The following EVA1A variants were observed in gnomAD, a reference collection of about 807,000 sequenced individuals.
The protein encoded by EVA1A is protein eva-1 homolog A.
Under a neutral mutation model 9.8 loss-of-function variants are expected in EVA1A, and 7 were observed. That is an observed-to-expected ratio of 0.71 (90% CI 0.41 to 1.34). EVA1A has a LOEUF of 1.34. Among genes scored for constraint, EVA1A ranks in the 40% most tolerant of loss-of-function variants. The probability of loss-of-function intolerance (pLI) is 0.01; values close to 1 mark genes in which losing one functional copy is unlikely to be tolerated. For synonymous variants in EVA1A, 90 were observed against 85.6 expected (o/e 1.05, Z -0.28); for missense variants, 206 against 205.9 (o/e 1.00, Z 0.00).
At chr2:75,530,321 A>G (rs1205495293) in intron 1 of EVA1A, among the ~76,000 whole-genome samples, 1 of 152,214 alleles carries the variant, frequency 6.6e-6, no homozygotes, top group African/African-American at 2.4e-5. Flanking sequence ...TCTATCAGGC[A>G]TTCAAAGAAG....
upstream of EVA1A, among the ~76,000 whole-genome samples, chr2:75,564,247 G>A (rs1297771056): frequency 6.6e-6 from 1 of 152,216 alleles, no homozygotes; most frequent in South Asian, 2.1e-4. Context: ...AAGGGCAGAG[G>A]AGTAGGGAGT....
intron 1 of EVA1A, among the ~76,000 whole-genome samples, chr2:75,522,834 G>T (rs1383607674): frequency 6.6e-6 from 1 of 152,220 alleles, no homozygotes; most frequent in Non-Finnish European, 1.5e-5. Context: ...AAGTTTGCAG[G>T]CCAGCCTCTC....
chr2:75,521,767 G>A (rs1449947037), intron 2 of EVA1A, among the ~76,000 whole-genome samples: 1 of 152,166 alleles, frequency 6.6e-6, no homozygotes, highest in Non-Finnish European at 1.5e-5. Context: ...GCACAATAAT[G>A]TAAATATACT....
At chr2:75,498,259 T>C (rs1674282974) in intron 3 of EVA1A, among the ~76,000 whole-genome samples, 2 of 144,640 alleles carry the variant, frequency 1.4e-5, no homozygotes, top group African/African-American at 5.2e-5. Context: ...TGTTGTCACT[T>C]ATAAGTGGGA....
Position 75,548,890 on chromosome 2 carries a change from G to A in EVA1A, c.-192+11790C>T, listed in dbSNP as rs181220183. The stretch of plus-strand genomic sequence containing the variant: ...CCCCCAGAAGGCAGGAACTAAGACT[G>A]TCAGAATCACCATCACTTTACCATC... On this transcript the variant is annotated intron_variant, in intron 1 of 3. Coordinates refer to ENST00000393913, the MANE Select transcript of EVA1A (RefSeq NM_001135032.2). Among the ~76,000 whole-genome samples, 749 of 151,562 alleles carry A rather than the reference G, an allele frequency of 4.9e-3. 7 individuals carry two copies. The highest frequency in any genetic ancestry group is 6.8e-3 in the Middle Eastern group (2 of 294).
intron 3 of EVA1A, among the ~76,000 whole-genome samples, chr2:75,512,425 G>A (rs974143394): frequency 3.3e-5 from 5 of 152,096 alleles, no homozygotes; most frequent in Admixed American, 2.0e-4. Flanking sequence ...ATGACCCTAA[G>A]AGAGTTCTGC....
chr2:75,497,495 G>A (rs2080229), intron 3 of EVA1A, among the ~76,000 whole-genome samples: 143,502 of 152,180 alleles, frequency 0.94, 67,776 homozygotes, highest in East Asian at 1. Flanking sequence ...ACCATCTCGC[G>A]CCAGTCAGAA....
At chr2:75,562,841 G>A (rs992362766), upstream of EVA1A, among the ~76,000 whole-genome samples, 4 of 152,200 alleles carry the variant, frequency 2.6e-5, no homozygotes, top group Non-Finnish European at 2.9e-5. Flanking sequence ...TTTGTGTGCC[G>A]AGTACAGGAG....
At chr2:75,516,133 T>C (rs1674999187) in intron 3 of EVA1A, among the ~76,000 whole-genome samples, 1 of 152,218 alleles carries the variant, frequency 6.6e-6, no homozygotes, top group African/African-American at 2.4e-5. Context: ...GCTACAAGAT[T>C]AGGACATTTT....
At chr2:75,507,296 T>C (rs563206764) in intron 3 of EVA1A, among the ~76,000 whole-genome samples, 1 of 152,296 alleles carries the variant, frequency 6.6e-6, no homozygotes, top group East Asian at 1.9e-4. Context: ...AAGACACTAG[T>C]CCTGGCCACT....
intron 3 of EVA1A, among the ~76,000 whole-genome samples, chr2:75,497,602 C>T (rs1253877705): frequency 2.0e-5 from 3 of 151,968 alleles, no homozygotes; most frequent in African/African-American, 7.3e-5. Flanking sequence ...ATAATCTCAA[C>T]ACTTTGGGAG....
chr2:75,531,004 TC>T (rs1675627713), intron 1 of EVA1A, among the ~76,000 whole-genome samples: 1 of 152,118 alleles, frequency 6.6e-6, no homozygotes, highest in Non-Finnish European at 1.5e-5. Flanking sequence ...TGGAAAACCC[TC>T]AAGACTCATC....
chr2:75,499,070 G>A (rs1572944134), intron 3 of EVA1A, among the ~76,000 whole-genome samples: 2 of 152,316 alleles, frequency 1.3e-5, no homozygotes, highest in East Asian at 1.9e-4. Context: ...ATGGGCCTGA[G>A]TCTTATCTAG....
intron 3 of EVA1A, among the ~76,000 whole-genome samples, chr2:75,510,979 C>T (rs566089630): frequency 1.3e-5 from 2 of 152,348 alleles, no homozygotes; most frequent in African/African-American, 2.4e-5. Flanking sequence ...TGTCTGCTCT[C>T]GTGCTACAAT....
At chr2:75,500,949 T>C (rs1039138806) in intron 3 of EVA1A, among the ~76,000 whole-genome samples, 3 of 152,090 alleles carry the variant, frequency 2.0e-5, no homozygotes, top group Non-Finnish European at 2.9e-5. Flanking sequence ...TCCTTCCACC[T>C]TCAATTAATT....
chr2:75,565,212 G>A (rs531176506), upstream of EVA1A, among the ~76,000 whole-genome samples: 966 of 152,296 alleles, frequency 6.3e-3, 11 homozygotes, highest in South Asian at 0.03. Context: ...CTCAGCTGGG[G>A]CATGTTCTGA....
At chr2:75,550,774 G>A (rs545707509) in intron 1 of EVA1A, among the ~76,000 whole-genome samples, 48 of 152,344 alleles carry the variant, frequency 3.2e-4, no homozygotes, top group Admixed American at 2.6e-4. Context: ...GAAAAGAGAA[G>A]CAAACATGGA....
chr2:75,561,172 G>C (rs546493874), upstream of EVA1A: 2 of 152,262 alleles, frequency 1.3e-5, no homozygotes, highest in South Asian at 4.1e-4. Flanking sequence ...GCAGGACCGG[G>C]GAGGTTCCCC....
intron 1 of EVA1A, among the ~76,000 whole-genome samples, chr2:75,534,390 T>C (rs531078519): frequency 6.6e-6 from 1 of 151,978 alleles, no homozygotes; most frequent in South Asian, 2.1e-4. Flanking sequence ...AGATGGTAAA[T>C]ATATATATGT....
Sources: gnomAD v4.1 joint callset for allele counts (sites outside exome capture counted in the v4.1 genomes callset) on GRCh38, gnomAD v4.1.1 for gene constraint, MANE v1.5 for transcripts, NCBI Gene and HGNC (gene_info 2026-07-23, HGNC 2026-07-21) for gene names.